UQCC1: variants seen among roughly 807,000 people sequenced by gnomAD.
UQCC1 encodes the protein bFGF-repressed Zic-binding protein.
A neutral mutation model predicts 48.0 loss-of-function variants in UQCC1; 38 were observed. The ratio of observed to expected loss-of-function variants is 0.79; its 90% CI spans 0.61 to 1.04. The LOEUF (loss-of-function observed/expected upper bound fraction) is 1.04. Among genes scored for constraint, UQCC1 ranks in the 50% least tolerant of loss-of-function variants. The probability of loss-of-function intolerance (pLI) is 0.00; values close to 1 mark genes in which losing one functional copy is unlikely to be tolerated. For synonymous variants in UQCC1, 111 were observed against 129.2 expected (o/e 0.86, Z 0.95); for missense variants, 368 against 381.8 (o/e 0.96, Z 0.30).
At chr20:35,322,961 C>T (rs2061147806) in intron 7 of UQCC1, among the ~76,000 whole-genome samples, 1 of 151,798 alleles carries the variant, frequency 6.6e-6, no homozygotes, top group Non-Finnish European at 1.5e-5. Context: ...CATTCTCCTG[C>T]CTCAGCCTCC....
intron 1 of UQCC1, among the ~76,000 whole-genome samples, chr20:35,396,559 C>A (rs188369403): frequency 6.6e-6 from 1 of 152,202 alleles, no homozygotes; most frequent in East Asian, 1.9e-4. Context: ...TCATCATCAT[C>A]CCCAAAAGGA....
chr20:35,317,271 C>T (rs1259194844), intron 7 of UQCC1, among the ~76,000 whole-genome samples: 1 of 152,168 alleles, frequency 6.6e-6, no homozygotes, highest in Admixed American at 6.5e-5. Context: ...TGGAAGAGCA[C>T]GTGAGTTAGC....
intron 8 of UQCC1, among the ~76,000 whole-genome samples, chr20:35,314,451 T>C (rs922858996): frequency 2.6e-5 from 4 of 152,170 alleles, no homozygotes; most frequent in African/African-American, 9.7e-5. Context: ...AAATGCTGAC[T>C]AGTTGAATGG....
chr20:35,403,946 G>T lies in UQCC1; in HGVS notation c.24+7994C>A, dbSNP rs1300464074. ...GGAGCGGGGAGGGATAGCATTAAGA[G>T]ATATACCTAGGCCGGGCGTGGTGGC... is the stretch of plus-strand genomic sequence containing the variant. On this transcript the variant is annotated intron_variant, in intron 1 of 9. Transcript: ENST00000374385. Among the ~76,000 whole-genome samples, 7 of 152,290 alleles carry T rather than the reference G, an allele frequency of 4.6e-5. No homozygotes were observed. The South Asian group carries it at 8.3e-4, about 18-fold the overall frequency.
intron 8 of UQCC1, among the ~76,000 whole-genome samples, chr20:35,311,032 A>G (rs1163197685): frequency 1.3e-5 from 2 of 151,966 alleles, no homozygotes; most frequent in African/African-American, 2.4e-5. Flanking sequence ...GAAAATATTC[A>G]AAATATTTAC....
intron 9 of UQCC1, among the ~76,000 whole-genome samples, chr20:35,305,747 T>C (rs1233652160): frequency 6.6e-6 from 1 of 152,250 alleles, no homozygotes; most frequent in Non-Finnish European, 1.5e-5. Context: ...GCCTTGCCTT[T>C]CCTGGTTGTT....
At chr20:35,324,911 A>G (rs2061175555) in intron 7 of UQCC1, among the ~76,000 whole-genome samples, 1 of 152,262 alleles carries the variant, frequency 6.6e-6, no homozygotes. Context: ...AGTATCATTT[A>G]TGATAGCCAA....
At chr20:35,306,589 T>G in intron 9 of UQCC1, 77 bp downstream of exon 9, 1 of 1,127,918 alleles carries the variant, frequency 8.9e-7, no homozygotes. Flanking sequence ...TAACTCCACC[T>G]CTCATGATCC....
intron 4 of UQCC1, among the ~76,000 whole-genome samples, chr20:35,379,818 T>A (rs1197356795): frequency 6.6e-6 from 1 of 151,698 alleles, no homozygotes; most frequent in African/African-American, 2.4e-5. Context: ...AAAAATAAAA[T>A]TAAAATTAAA....
chr20:35,306,855 C>T (rs757520576), intron 8 of UQCC1, 76 bp from the exon 9 acceptor site: 1 of 1,165,040 alleles, frequency 8.6e-7, no homozygotes. Context: ...ATACTATGAA[C>T]ATGCTAGCAA....
chr20:35,356,002 G>A (rs562292649), intron 6 of UQCC1, among the ~76,000 whole-genome samples: 1 of 151,556 alleles, frequency 6.6e-6, no homozygotes, highest in African/African-American at 2.4e-5. Flanking sequence ...TTCTACCTCA[G>A]CCTCCCAAGT....
At position 35,375,701 on chromosome 20, in the gene UQCC1, A is replaced by C. The variant is rs559332080; in HGVS notation, c.334-1445T>G. On this transcript the variant is annotated intron_variant, in intron 4 of 9. Transcript: ENST00000374385. ...CATGGTGGCTCACGCCTGTAATCCCAGCACTTTAGGAGGCTGAGACAGGCA... is the reference window on the plus strand; with the variant it reads ...CATGGTGGCTCACGCCTGTAATCCCCGCACTTTAGGAGGCTGAGACAGGCA... Among the ~76,000 whole-genome samples, 9 of 152,130 alleles carry C rather than the reference A, an allele frequency of 5.9e-5. No individual in the cohort carries two copies. In the South Asian group the frequency reaches 1.5e-3, roughly 25 times the overall value.
intron 1 of UQCC1, among the ~76,000 whole-genome samples, chr20:35,396,352 C>G (rs948203396): frequency 6.8e-6 from 1 of 147,214 alleles, no homozygotes; most frequent in African/African-American, 2.5e-5. Context: ...AGTCCAGTGC[C>G]TAGTCATGGT....
intron 7 of UQCC1, chr20:35,345,395 C>G (rs1191367881): frequency 6.6e-6 from 1 of 152,202 alleles, no homozygotes; most frequent in Admixed American, 6.5e-5. Context: ...ACCTGGTGAC[C>G]TCTCTCCAGA....
intron 7 of UQCC1, among the ~76,000 whole-genome samples, chr20:35,343,028 A>G (rs2061397279): frequency 6.6e-6 from 1 of 152,236 alleles, no homozygotes; most frequent in African/African-American, 2.4e-5. Flanking sequence ...TTTATTATTC[A>G]TCACTAACTC....
chr20:35,309,802 A>G (rs1287668425), intron 8 of UQCC1, among the ~76,000 whole-genome samples: 2 of 152,246 alleles, frequency 1.3e-5, no homozygotes, highest in Non-Finnish European at 2.9e-5. Flanking sequence ...GATTGATTTG[A>G]CATCACTATG....
At chr20:35,386,348 A>C (rs1427314437) in intron 2 of UQCC1, 2 of 456,130 alleles carry the variant, frequency 4.4e-6, no homozygotes, top group Non-Finnish European at 4.4e-6. Flanking sequence ...TTCCAAGAAG[A>C]AATGGAACAC....
chr20:35,341,135 C>T (rs1391352473), intron 7 of UQCC1, among the ~76,000 whole-genome samples: 6 of 149,944 alleles, frequency 4.0e-5, no homozygotes, highest in East Asian at 2.0e-4. Context: ...GCAGAAGAAT[C>T]GCTGGAACCC....
chr20:35,353,381 G>A (rs2061512174), intron 6 of UQCC1, among the ~76,000 whole-genome samples: 1 of 145,260 alleles, frequency 6.9e-6, no homozygotes, highest in South Asian at 2.1e-4. Flanking sequence ...GGGCAACAGA[G>A]CAAGACTCTA....
Sources: gnomAD v4.1 joint callset for allele counts (sites outside exome capture counted in the v4.1 genomes callset) on GRCh38, gnomAD v4.1.1 for gene constraint, MANE v1.5 for transcripts, NCBI Gene and HGNC (gene_info 2026-07-23, HGNC 2026-07-21) for gene names.